The following PRKG1 variants were observed in gnomAD, a reference collection of about 807,000 sequenced individuals.
PRKG1 encodes cGMP-dependent protein kinase 1.
PRKG1 carries 35 observed loss-of-function variants against 88.1 expected under a neutral mutation model. The observed-to-expected ratio is 0.40, with a 90% CI of 0.30 to 0.53. The LOEUF (loss-of-function observed/expected upper bound fraction) is 0.53. PRKG1 is among the 20% of genes least tolerant of loss of function. The pLI is 0.59. For missense variants in PRKG1, 540 were observed against 839.8 expected (o/e 0.64, Z 4.41); for synonymous variants, 303 against 292.5 (o/e 1.04, Z -0.37).
At chr10:51,198,113 T>C (rs1837818055) in intron 2 of PRKG1, among the ~76,000 whole-genome samples, 1 of 152,126 alleles carries the variant, frequency 6.6e-6, no homozygotes, top group Non-Finnish European at 1.5e-5. Flanking sequence ...AATAAAAAAA[T>C]GTTTGCAAGT....
At chr10:51,442,994 T>C (rs530353093) in intron 2 of PRKG1, among the ~76,000 whole-genome samples, 6 of 152,170 alleles carry the variant, frequency 3.9e-5, no homozygotes, top group Non-Finnish European at 7.4e-5. Flanking sequence ...ACCATTTCCA[T>C]TGTATTCTAT....
At chr10:51,918,220 A>G (rs1384739545) in intron 5 of PRKG1, among the ~76,000 whole-genome samples, 2 of 152,224 alleles carry the variant, frequency 1.3e-5, no homozygotes, top group Admixed American at 6.5e-5. Context: ...TTTCAGTACT[A>G]TACTGCATTG....
At chr10:51,107,792 C>CA (rs1844878379) in intron 1 of PRKG1, among the ~76,000 whole-genome samples, 1 of 86,142 alleles carries the variant, frequency 1.2e-5, no homozygotes, top group African/African-American at 4.8e-5. Flanking sequence ...GCCTGGGCAA[C>CA]AGAGCAAAAC....
intron 10 of PRKG1, among the ~76,000 whole-genome samples, chr10:52,261,158 T>C (rs997299635): frequency 6.6e-6 from 1 of 151,978 alleles, no homozygotes; most frequent in African/African-American, 2.4e-5. Context: ...TTATCTCCTC[T>C]TCAAAAATAC....
At chr10:51,375,782 TG>T (rs200843508) in intron 2 of PRKG1, among the ~76,000 whole-genome samples, 16 of 142,068 alleles carry the variant, frequency 1.1e-4, no homozygotes, top group African/African-American at 1.8e-4. Flanking sequence ...TTATATAAAG[TG>T]ATCAGGGTAG....
At chr10:51,601,318 G>A (rs1394584092) in intron 3 of PRKG1, among the ~76,000 whole-genome samples, 1 of 152,132 alleles carries the variant, frequency 6.6e-6, no homozygotes, top group Non-Finnish European at 1.5e-5. Context: ...GGAATAGTTT[G>A]AAAAATAAAA....
chr10:51,341,297 T>G (rs1841998794), intron 2 of PRKG1, among the ~76,000 whole-genome samples: 3 of 152,234 alleles, frequency 2.0e-5, no homozygotes. Context: ...CAGGTTATTC[T>G]TTTGAGGTTT....
At chr10:52,102,304 T>C (rs1847312810) in intron 7 of PRKG1, among the ~76,000 whole-genome samples, 1 of 152,080 alleles carries the variant, frequency 6.6e-6, no homozygotes, top group Non-Finnish European at 1.5e-5. Flanking sequence ...TAATTCAGCC[T>C]CTAGACCAGG....
chr10:52,137,887 G>C (rs747438133), intron 8 of PRKG1, among the ~76,000 whole-genome samples: 1 of 152,044 alleles, frequency 6.6e-6, no homozygotes, highest in Non-Finnish European at 1.5e-5. Context: ...ACCGTTATGG[G>C]AAGCTGTTTA....
At chr10:52,250,972 CT>C (rs1043460551) in intron 9 of PRKG1, among the ~76,000 whole-genome samples, 15 of 152,212 alleles carry the variant, frequency 9.9e-5, no homozygotes, top group African/African-American at 3.1e-4. Flanking sequence ...AGGGAAGACA[CT>C]TTTTAGGAAT....
rs570575110 is a variant in PRKG1, at chr10:51,832,559, T to G, written c.698+27869T>G. 1.8e-3 allele frequency among the ~76,000 whole-genome samples: 274 copies of G among 152,342 alleles called. 1 individual carries two copies. The highest frequency in any genetic ancestry group is 6.4e-3 in the African/African-American group (265 of 41,582). On this transcript the variant is annotated intron_variant, in intron 4 of 17. Transcript: ENST00000373980. ...CTACTCTAAGGGTGAGGGGAAATTT[T>G]TTTCCACCCTCTGTAGGTATGATAA...
At chr10:51,152,376 T>G (rs751324114) in intron 1 of PRKG1, among the ~76,000 whole-genome samples, 9 of 152,082 alleles carry the variant, frequency 5.9e-5, no homozygotes, top group Non-Finnish European at 1.0e-4. Flanking sequence ...AAGAAAGAAA[T>G]ATTCTCTAAA....
intron 9 of PRKG1, among the ~76,000 whole-genome samples, chr10:52,232,207 C>A (rs1840541368): frequency 1.3e-5 from 2 of 151,800 alleles, no homozygotes; most frequent in Admixed American, 1.3e-4. Context: ...GGAGGCTGAG[C>A]CAGGAGAATT....
chr10:52,290,330 G>T (rs147550708), intron 17 of PRKG1, 40 bp downstream of exon 17: 10 of 1,478,782 alleles, frequency 6.8e-6, no homozygotes, highest in Non-Finnish European at 9.4e-6. Context: ...TGACATAATT[G>T]ATGGTGTTTA....
At chr10:51,917,333 AAAAG>A (rs1353442981) in intron 5 of PRKG1, among the ~76,000 whole-genome samples, 6 of 152,030 alleles carry the variant, frequency 3.9e-5, no homozygotes, top group Non-Finnish European at 8.8e-5. Context: ...AAAAAAAAAA[AAAAG>A]AGTGTGGATT....
intron 9 of PRKG1, among the ~76,000 whole-genome samples, chr10:52,205,931 T>C (rs1212181134): frequency 6.6e-6 from 1 of 152,152 alleles, no homozygotes; most frequent in Non-Finnish European, 1.5e-5. Context: ...TCAGGGATTC[T>C]CTCCATTTCC....
Position 51,874,053 on chromosome 10 carries a change from G to A in PRKG1, c.699-33454G>A, listed in dbSNP as rs558801077. Among the ~76,000 whole-genome samples the A allele has an allele frequency of 1.1e-4, 16 of 152,300 alleles. No individual in the cohort carries two copies. The South Asian group carries it at 3.3e-3, about 32-fold the overall frequency. On this transcript the variant is annotated intron_variant, in intron 4 of 17. Transcript: ENST00000373980. ...ACTTGATGGAAAATTAAGGCCCATA[G>A]CCAGTGTATGGAAAATTATTTGAGC...
chr10:51,797,025 G>C (rs979180844), intron 3 of PRKG1, among the ~76,000 whole-genome samples: 4 of 151,906 alleles, frequency 2.6e-5, no homozygotes, highest in African/African-American at 9.7e-5. Flanking sequence ...AGTCATTCTA[G>C]GTTGAGGACC....
intron 5 of PRKG1, among the ~76,000 whole-genome samples, chr10:51,944,580 T>C (rs564616043): frequency 1.6e-4 from 24 of 152,268 alleles, no homozygotes; most frequent in African/African-American, 5.5e-4. Flanking sequence ...CTGCTTTCTC[T>C]TGTGGGCATT....
Sources: allele counts gnomAD v4.1 joint callset (sites outside exome capture counted in the v4.1 genomes callset), GRCh38; gene constraint gnomAD v4.1.1; transcripts MANE v1.5; gene names NCBI Gene and HGNC (gene_info 2026-07-23, HGNC 2026-07-21).